The following FTO variants were observed in gnomAD, a reference collection of about 807,000 sequenced individuals.
The protein encoded by FTO is alpha-ketoglutarate-dependent dioxygenase FTO.
A neutral mutation model predicts 63.9 loss-of-function variants in FTO; 47 were observed. The observed-to-expected ratio is 0.74, with a 90% CI of 0.58 to 0.94. FTO has a LOEUF of 0.94. Among genes scored for constraint, FTO ranks in the 40% least tolerant of loss-of-function variants. FTO has a pLI of 0.00. For missense variants in FTO, 562 were observed against 618.1 expected (o/e 0.91, Z 0.96); for synonymous variants, 207 against 224.4 (o/e 0.92, Z 0.69).
At chr16:53,787,970 C>T (rs954206639) in intron 1 of FTO, among the ~76,000 whole-genome samples, 1 of 152,284 alleles carries the variant, frequency 6.6e-6, no homozygotes, top group East Asian at 1.9e-4. Flanking sequence ...GCTCAAGTCT[C>T]CTTCCTTCAC....
At chr16:53,945,164 A>G (rs537290938) in intron 8 of FTO, among the ~76,000 whole-genome samples, 3 of 152,306 alleles carry the variant, frequency 2.0e-5, no homozygotes, top group African/African-American at 2.4e-5. Context: ...TCTCACAAGG[A>G]GTGGCTCCAT....
intron 8 of FTO, among the ~76,000 whole-genome samples, chr16:54,102,042 T>C (rs1269562663): frequency 6.6e-6 from 1 of 152,210 alleles, no homozygotes; most frequent in Non-Finnish European, 1.5e-5. Context: ...TTAAGTTCTT[T>C]ATAGATGCTG....
rs1427109403 is a variant in FTO, at chr16:54,119,287, T to C, written c.*7372T>C. 3 of 152,170 alleles carry C rather than the reference T, an allele frequency of 2.0e-5. No homozygotes were observed. The highest frequency in any genetic ancestry group is 7.2e-5 in the African/African-American group (3 of 41,434). 9.4% of individuals were successfully genotyped at this position (152,170 alleles called of 1,614,324 possible). The stretch of plus-strand genomic sequence containing the variant: ...TGAAAAACCTGATTATCCTTTCAAA[T>C]AGGGAATTCGGCTTTCCACGTTGGA... On this transcript the variant is annotated 3_prime_UTR_variant, in exon 9 of 9. Transcript: ENST00000471389.
intron 8 of FTO, among the ~76,000 whole-genome samples, chr16:54,018,830 T>C (rs1336259061): frequency 5.3e-5 from 8 of 152,208 alleles, no homozygotes; most frequent in African/African-American, 1.9e-4. Flanking sequence ...CTTTCCTTTA[T>C]AATTTACCCA....
At chr16:53,750,219 T>C (rs2076752946) in intron 1 of FTO, among the ~76,000 whole-genome samples, 1 of 152,118 alleles carries the variant, frequency 6.6e-6, no homozygotes, top group Non-Finnish European at 1.5e-5. Context: ...AGAATGGCTT[T>C]TTTCTTTTTC....
At position 53,873,790 on chromosome 16, in the gene FTO, T is replaced by A; in HGVS notation, c.900T>A (p.Asp300Glu). 2 of 1,612,712 alleles carry A rather than the reference T, an allele frequency of 1.2e-6. No homozygotes were observed. The highest frequency in any genetic ancestry group is 1.7e-6 in the Non-Finnish European group (2 of 1,178,930). The change falls in exon 5 of 9, where the codon GAT becomes GAA. Residue 300 changes from aspartate (D) to glutamate (E), a missense_variant. Asp to Glu is a conservative substitution (Grantham distance 45). Transcript: ENST00000471389. ...HQGDCYFMLD[D>E]LNATHQHCVL... is the part of the protein sequence containing the mutation. ...TTTCTGGTGTTTTTCCTGTAGATGA[T>A]CTCAATGCCACCCACCAACACTGTG... is the stretch of plus-strand genomic sequence containing the variant.
intron 1 of FTO, among the ~76,000 whole-genome samples, chr16:53,752,461 G>A (rs777533010): frequency 1.3e-5 from 2 of 152,196 alleles, no homozygotes; most frequent in African/African-American, 4.8e-5. Context: ...ATCCAGTCAC[G>A]TAAGTAGGGT....
At chr16:54,001,778 C>T (rs2084074223) in intron 8 of FTO, among the ~76,000 whole-genome samples, 1 of 152,160 alleles carries the variant, frequency 6.6e-6, no homozygotes, top group African/African-American at 2.4e-5. Flanking sequence ...GGAAATGGGA[C>T]AGCCTATTAG....
At position 54,089,339 on chromosome 16, in the gene FTO, A is replaced by G. The variant is rs536447252; in HGVS notation, c.1365-22423A>G. 1.3e-4 allele frequency among the ~76,000 whole-genome samples: 20 copies of G among 152,354 alleles called. No individual in the cohort carries two copies. The East Asian group carries it at 3.7e-3, about 28-fold the overall frequency. On this transcript the variant is annotated intron_variant, in intron 8 of 8. Transcript: ENST00000471389. Reference sequence around the variant, plus strand: ...TGTTGTCAGTTAGTGAAAACCAACAACTGACTTGAGAATGGCAGAGATAGG... The same window carrying G: ...TGTTGTCAGTTAGTGAAAACCAACAGCTGACTTGAGAATGGCAGAGATAGG...
At chr16:53,911,411 G>C (rs769538802) in intron 7 of FTO, 1 of 703,218 alleles carries the variant, frequency 1.4e-6, no homozygotes, top group South Asian at 1.5e-5. Context: ...GAATGTAATA[G>C]TGTCGAACCC....
chr16:53,829,121 A>T (rs1483084945), intron 3 of FTO, among the ~76,000 whole-genome samples: 1 of 152,106 alleles, frequency 6.6e-6, no homozygotes, highest in Non-Finnish European at 1.5e-5. Flanking sequence ...CAAACTCCTG[A>T]CCTCGTGATC....
intron 1 of FTO, among the ~76,000 whole-genome samples, chr16:53,787,110 CAAAAAAAAAAAAAAAAAAA>C (rs35391915): frequency 5.3e-5 from 3 of 56,172 alleles, no homozygotes; most frequent in Non-Finnish European, 8.5e-5. Context: ...GACTCCTTCT[CAAAAAAAAAAAAAAAAAAA>C]AAAAAAAAAA....
chr16:54,063,922 C>A (rs1414933406), intron 8 of FTO: 1 of 151,956 alleles, frequency 6.6e-6, no homozygotes, highest in African/African-American at 2.4e-5. Context: ...CTGTCAAGCC[C>A]TTCTTCTGAC....
intron 8 of FTO, among the ~76,000 whole-genome samples, chr16:53,988,964 G>C (rs745577956): frequency 6.6e-6 from 1 of 151,942 alleles, no homozygotes; most frequent in Non-Finnish European, 1.5e-5. Context: ...ACCATTTTTT[G>C]GGAGACCTAG....
At chr16:53,855,157 T>C (rs1178871839) in intron 4 of FTO, among the ~76,000 whole-genome samples, 1 of 152,176 alleles carries the variant, frequency 6.6e-6, no homozygotes, top group Admixed American at 6.5e-5. Context: ...AAAACTTTAC[T>C]GAATTTGTTT....
At chr16:53,840,877 G>C (rs966513091) in intron 3 of FTO, among the ~76,000 whole-genome samples, 1 of 151,904 alleles carries the variant, frequency 6.6e-6, no homozygotes, top group Non-Finnish European at 1.5e-5. Flanking sequence ...TGTAATTCAA[G>C]GGTAGCTGGG....
intron 7 of FTO, among the ~76,000 whole-genome samples, chr16:53,932,534 T>C (rs2082308688): frequency 6.6e-6 from 1 of 151,894 alleles, no homozygotes; most frequent in Non-Finnish European, 1.5e-5. Context: ...TTATTATATG[T>C]GCACGCCACC....
intron 4 of FTO, among the ~76,000 whole-genome samples, chr16:53,865,232 A>G (rs565790493): frequency 1.3e-5 from 2 of 152,256 alleles, no homozygotes; most frequent in South Asian, 4.1e-4. Flanking sequence ...TTCAAACTCC[A>G]CTTTTTATTA....
chr16:54,003,275 T>G (rs532287848), intron 8 of FTO, among the ~76,000 whole-genome samples: 1 of 152,350 alleles, frequency 6.6e-6, no homozygotes, highest in South Asian at 2.1e-4. Flanking sequence ...GAGCTGTTGG[T>G]ATGAGCCCCT....
Sources: allele counts gnomAD v4.1 joint callset (sites outside exome capture counted in the v4.1 genomes callset), GRCh38; gene constraint gnomAD v4.1.1; transcripts MANE v1.5; gene names NCBI Gene and HGNC (gene_info 2026-07-23, HGNC 2026-07-21).